The following CNTNAP4 variants were observed in gnomAD, a reference collection of about 807,000 sequenced individuals.
CNTNAP4 encodes contactin-associated protein-like 4.
In CNTNAP4, 98 loss-of-function variants were observed where a neutral mutation model predicts 148.4. The observed-to-expected ratio is 0.66, with a 90% CI of 0.56 to 0.78. CNTNAP4 has a LOEUF of 0.78. Ranked by LOEUF, CNTNAP4 falls within the 30% of genes least tolerant of loss-of-function variation. The pLI is 0.00. For missense variants in CNTNAP4, 1,935 were observed against 1,565.6 expected, an observed-to-expected ratio of 1.24 and a Z score of -3.98; for synonymous variants, 730 against 565.1, an observed-to-expected ratio of 1.29 and a Z score of -4.14.
intron 15 of CNTNAP4, among the ~76,000 whole-genome samples, chr16:76,503,944 TAAG>T (rs1354878826): frequency 6.6e-6 from 1 of 151,946 alleles, no homozygotes; most frequent in African/African-American, 2.4e-5. Context: ...AACAAATTAT[TAAG>T]AAAAAATTAA....
chr16:76,283,830 AAAG>A (rs1396859502), intron 1 of CNTNAP4, among the ~76,000 whole-genome samples: 1 of 152,038 alleles, frequency 6.6e-6, no homozygotes, highest in Admixed American at 6.6e-5. Context: ...TAAACAAACA[AAAG>A]AAGTCCTTCA....
intron 3 of CNTNAP4, among the ~76,000 whole-genome samples, chr16:76,363,005 G>C (rs1368682316): frequency 6.6e-6 from 1 of 151,610 alleles, no homozygotes; most frequent in Non-Finnish European, 1.5e-5. Context: ...AGTATCATTT[G>C]AGGCCAGGAG....
intron 1 of CNTNAP4, among the ~76,000 whole-genome samples, chr16:76,278,956 A>C (rs1262795961): frequency 1.3e-5 from 2 of 152,234 alleles, no homozygotes; most frequent in Non-Finnish European, 2.9e-5. Context: ...CTCTGAAAGA[A>C]GGAACCTCAC....
intron 1 of CNTNAP4, among the ~76,000 whole-genome samples, chr16:76,286,365 C>T (rs966697613): frequency 1.3e-5 from 2 of 152,054 alleles, no homozygotes; most frequent in African/African-American, 4.8e-5. Flanking sequence ...CCAGAGTAGT[C>T]TCCAGTATGC....
At chr16:76,527,876 T>A (rs1027306380) in intron 17 of CNTNAP4, among the ~76,000 whole-genome samples, 1 of 152,132 alleles carries the variant, frequency 6.6e-6, no homozygotes, top group Non-Finnish European at 1.5e-5. Context: ...ATCTTAAAAA[T>A]GAATAAATTA....
At chr16:76,349,197 A>C (rs1965169060) in intron 2 of CNTNAP4, among the ~76,000 whole-genome samples, 1 of 152,096 alleles carries the variant, frequency 6.6e-6, no homozygotes, top group Non-Finnish European at 1.5e-5. Flanking sequence ...GGCTTTCCAC[A>C]ACAATACCTC....
Position 76,460,171 on chromosome 16 carries a change from A to G in CNTNAP4, c.1334-1785A>G, listed in dbSNP as rs537192000. Among the ~76,000 whole-genome samples, 5 of 152,076 alleles carry G rather than the reference A, an allele frequency of 3.3e-5. No homozygotes were observed. In the East Asian group the frequency reaches 9.8e-4, roughly 30 times the overall value. ...TGCCCAGGCTGGAGTGCAATGGTGC[A>G]ATCTCGGCTCACCGCAACCTTTGCC... On this transcript the variant is annotated intron_variant, in intron 8 of 23. Transcript: ENST00000611870.
intron 4 of CNTNAP4, among the ~76,000 whole-genome samples, chr16:76,430,687 C>T (rs2079574812): frequency 6.6e-6 from 1 of 152,182 alleles, no homozygotes; most frequent in Non-Finnish European, 1.5e-5. Context: ...TGTGCCTCCT[C>T]ATCTGCACCA....
At chr16:76,427,816 A>T (rs1005034614) in intron 4 of CNTNAP4, among the ~76,000 whole-genome samples, 1 of 152,274 alleles carries the variant, frequency 6.6e-6, no homozygotes, top group Admixed American at 6.6e-5. Context: ...CACTTGATAG[A>T]TGGATAGATA....
rs150413980 is a variant in CNTNAP4 at position 76,372,431 on chromosome 16, G to A, written c.390+16920G>A. 3.9e-3 allele frequency among the ~76,000 whole-genome samples: 599 copies of A among 151,942 alleles called. 4 individuals are homozygous for A. The highest frequency in any genetic ancestry group is 0.021 in the Admixed American group (323 of 15,236). ...CCAAAGTACTGGGATTACAGGCGTG[G>A]GCCACCGTGCCCTGCTGGTCCCACC... On this transcript the variant is annotated intron_variant, in intron 3 of 23. Transcript: ENST00000611870.
chr16:76,440,370 G>A (rs1412100771), intron 4 of CNTNAP4, among the ~76,000 whole-genome samples: 1 of 151,454 alleles, frequency 6.6e-6, no homozygotes, highest in African/African-American at 2.4e-5. Flanking sequence ...TAAGTTTTTA[G>A]TCATCTGACC....
chr16:76,369,038 C>G (rs13334669), intron 3 of CNTNAP4, among the ~76,000 whole-genome samples: 1 of 149,520 alleles, frequency 6.7e-6, no homozygotes, highest in Admixed American at 6.6e-5. Flanking sequence ...TTTGTTTTTT[C>G]GTTTTTTGGT....
intron 3 of CNTNAP4, among the ~76,000 whole-genome samples, chr16:76,370,996 AAG>A (rs1490651037): frequency 6.7e-6 from 1 of 149,394 alleles, no homozygotes; most frequent in African/African-American, 2.6e-5. Flanking sequence ...AATGTCCTGA[AAG>A]AAGGGAATCC....
At chr16:76,384,714 A>G (rs1180253630) in intron 3 of CNTNAP4, among the ~76,000 whole-genome samples, 1 of 152,178 alleles carries the variant, frequency 6.6e-6, no homozygotes, top group Non-Finnish European at 1.5e-5. Context: ...CATGACCTCG[A>G]AATCACCAGT....
At chr16:76,426,530 G>T (rs2079410808) in intron 3 of CNTNAP4, among the ~76,000 whole-genome samples, 1 of 152,184 alleles carries the variant, frequency 6.6e-6, no homozygotes, top group African/African-American at 2.4e-5. Context: ...GCTTCATGCT[G>T]ACTTCTCCAC....
intron 2 of CNTNAP4, among the ~76,000 whole-genome samples, chr16:76,335,933 C>T (rs1398684855): frequency 1.3e-5 from 2 of 152,116 alleles, no homozygotes; most frequent in African/African-American, 4.8e-5. Flanking sequence ...ATGGAAGCTG[C>T]TTGATTATCA....
intron 1 of CNTNAP4, among the ~76,000 whole-genome samples, chr16:76,280,389 C>T (rs951742673): frequency 2.0e-5 from 3 of 151,982 alleles, no homozygotes; most frequent in African/African-American, 7.3e-5. Context: ...TGTATATGTG[C>T]TCATTTGTAT....
At chr16:76,375,967 A>G (rs1365729588) in intron 3 of CNTNAP4, among the ~76,000 whole-genome samples, 1 of 152,118 alleles carries the variant, frequency 6.6e-6, no homozygotes, top group Non-Finnish European at 1.5e-5. Context: ...AGTTGCTTTT[A>G]CCTCCTCTGT....
In CNTNAP4 at chr16:76,558,619, T is replaced by C; in HGVS notation, c.3863T>C (p.Val1288Ala). Residue 1288 changes from valine to alanine, a missense_variant, in exon 24 of 24, where the codon GTT becomes GCT. Physicochemically the swap from Val to Ala is moderately conservative, Grantham distance 64. Coordinates refer to ENST00000611870, the MANE Select transcript of CNTNAP4 (RefSeq NM_033401.5). ...RSENVDSAEA[V>A]LKSELNIQNA... ...GAGAATGTAGACAGTGCTGAGGCTGTTCTGAAAAGTGAGCTTAATATACAA... is the reference window on the plus strand; with the variant it reads ...GAGAATGTAGACAGTGCTGAGGCTGCTCTGAAAAGTGAGCTTAATATACAA... 1.2e-6 allele frequency: 2 copies of C among 1,613,434 alleles called. No individual in the cohort carries two copies. Among genetic ancestry groups the C allele is most frequent in the South Asian group, 2.2e-5 (2 of 91,014 alleles).
Sources: gnomAD v4.1 joint callset for allele counts (sites outside exome capture counted in the v4.1 genomes callset) on GRCh38, gnomAD v4.1.1 for gene constraint, MANE v1.5 for transcripts, NCBI Gene and HGNC (gene_info 2026-07-23, HGNC 2026-07-21) for gene names.